Variants in SCAPER observed in about 807,000 individuals in gnomAD.
The protein encoded by SCAPER is S-phase cyclin A associated protein in the ER.
A neutral mutation model predicts 182.2 loss-of-function variants in SCAPER; 98 were observed. The observed-to-expected ratio is 0.54, with a 90% CI of 0.46 to 0.64. The LOEUF (loss-of-function observed/expected upper bound fraction) is 0.64, where lower values mean the gene tolerates loss of function less well. SCAPER is among the 30% of genes least tolerant of loss of function. The pLI, the probability that SCAPER is intolerant of heterozygous loss-of-function variation, is 0.00. For synonymous variants in SCAPER, 605 were observed against 564.6 expected, an observed-to-expected ratio of 1.07 and a Z score of -1.01; for missense variants, 1,432 against 1,690.0, an observed-to-expected ratio of 0.85 and a Z score of 2.68.
At chr15:76,630,487 T>C (rs991992248) in intron 21 of SCAPER, among the ~76,000 whole-genome samples, 1 of 152,206 alleles carries the variant, frequency 6.6e-6, no homozygotes, top group Non-Finnish European at 1.5e-5. Flanking sequence ...CCAGAGATTC[T>C]GGCACGTTGT....
chr15:76,899,243 C>G (rs2074613015), intron 1 of SCAPER, among the ~76,000 whole-genome samples: 1 of 152,224 alleles, frequency 6.6e-6, no homozygotes, highest in African/African-American at 2.4e-5. Context: ...CAGCTAGCTG[C>G]AACCTCCCTG....
intron 23 of SCAPER, among the ~76,000 whole-genome samples, chr15:76,554,203 A>G (rs2046006488): frequency 6.6e-6 from 1 of 152,246 alleles, no homozygotes; most frequent in Non-Finnish European, 1.5e-5. Context: ...AAGTATTAAC[A>G]GCACAATCAG....
intron 21 of SCAPER, among the ~76,000 whole-genome samples, chr15:76,640,829 G>T (rs2054042285): frequency 6.6e-6 from 1 of 152,204 alleles, no homozygotes; most frequent in Non-Finnish European, 1.5e-5. Flanking sequence ...AGGTTGGACT[G>T]CCAGAATAAG....
chr15:76,571,948 TA>T (rs1201287155), intron 23 of SCAPER, among the ~76,000 whole-genome samples: 4 of 152,182 alleles, frequency 2.6e-5, no homozygotes, highest in Non-Finnish European at 5.9e-5. Flanking sequence ...ATTTTAGTTA[TA>T]AAAGTAGCAA....
intron 24 of SCAPER, among the ~76,000 whole-genome samples, chr15:76,477,741 A>G (rs1015371891): frequency 6.6e-6 from 1 of 152,168 alleles, no homozygotes; most frequent in Non-Finnish European, 1.5e-5. Context: ...GATTATCAGT[A>G]TGATTAGAGA....
chr15:76,762,633 T>A (rs1448626735), intron 14 of SCAPER, among the ~76,000 whole-genome samples: 1 of 152,132 alleles, frequency 6.6e-6, no homozygotes, highest in Non-Finnish European at 1.5e-5. Context: ...TAATACCTTT[T>A]TGTCTTTTAA....
At chr15:76,359,855 A>G (rs1299797193) in intron 29 of SCAPER, among the ~76,000 whole-genome samples, 2 of 152,208 alleles carry the variant, frequency 1.3e-5, no homozygotes, top group Non-Finnish European at 2.9e-5. Context: ...CCTCAAAGTT[A>G]CTGGAATGAA....
chr15:76,673,950 TATAC>T (rs138149804), intron 20 of SCAPER, among the ~76,000 whole-genome samples: 6,829 of 77,018 alleles, frequency 0.089, 192 homozygotes, highest in South Asian at 0.24. Flanking sequence ...ATAATTTATC[TATAC>T]ACACACACAC....
intron 23 of SCAPER, among the ~76,000 whole-genome samples, chr15:76,559,960 G>A (rs1253983042): frequency 6.6e-6 from 1 of 151,958 alleles, no homozygotes; most frequent in Non-Finnish European, 1.5e-5. Flanking sequence ...GTATGCATAT[G>A]TTTACTACTT....
At chr15:76,750,456 CA>C (rs1294319723) in intron 15 of SCAPER, among the ~76,000 whole-genome samples, 1 of 151,948 alleles carries the variant, frequency 6.6e-6, no homozygotes, top group East Asian at 1.9e-4. Flanking sequence ...ACCCTGATAC[CA>C]AAACCAGACA....
chr15:76,738,233 A>AT (rs1246989911), intron 15 of SCAPER, among the ~76,000 whole-genome samples: 2 of 152,154 alleles, frequency 1.3e-5, no homozygotes, highest in African/African-American at 2.4e-5. Context: ...AGCTCAAGTG[A>AT]TTCGTTCACA....
chr15:76,574,413 G>A, intron 22 of SCAPER, 129 bp from the exon 23 acceptor site: 1 of 1,039,806 alleles, frequency 9.6e-7, no homozygotes. Context: ...GCATCTGAGG[G>A]GAGAAAAAAC....
chr15:76,800,111 T>G, intron 7 of SCAPER, 137 bp downstream of exon 7: 1 of 245,870 alleles, frequency 4.1e-6, no homozygotes, highest in Non-Finnish European at 8.7e-6. Flanking sequence ...TCCCCTCCTG[T>G]GTCAGAACCT....
intron 15 of SCAPER, among the ~76,000 whole-genome samples, chr15:76,747,542 T>C (rs761451189): frequency 3.3e-5 from 5 of 152,046 alleles, no homozygotes; most frequent in East Asian, 1.9e-4. Context: ...GAAACACTAA[T>C]TGCCAATGTT....
intron 30 of SCAPER, among the ~76,000 whole-genome samples, chr15:76,352,698 C>T (rs955632370): frequency 7.2e-5 from 11 of 151,934 alleles, no homozygotes; most frequent in Admixed American, 5.9e-4. Flanking sequence ...GATCTGCTCA[C>T]CCCGGCCTCC....
At chr15:76,905,272 C>G (rs1380038874) in intron 1 of SCAPER, 27 bp downstream of exon 1, 1 of 256,854 alleles carries the variant, frequency 3.9e-6, no homozygotes, top group East Asian at 1.7e-4. Context: ...CGGGTCTGCG[C>G]TACGCACGCC....
intron 5 of SCAPER, among the ~76,000 whole-genome samples, chr15:76,810,982 C>G (rs1025111545): frequency 6.6e-6 from 1 of 152,036 alleles, no homozygotes; most frequent in African/African-American, 2.4e-5. Flanking sequence ...GAAGACACAA[C>G]AATTTTAAGT....
chr15:76,621,426 T>C (rs1214176745), intron 22 of SCAPER, among the ~76,000 whole-genome samples: 1 of 152,184 alleles, frequency 6.6e-6, no homozygotes, highest in African/African-American at 2.4e-5. Context: ...GAACCTGATC[T>C]GTTAGAACAG....
intron 15 of SCAPER, among the ~76,000 whole-genome samples, chr15:76,753,469 G>C (rs1371044947): frequency 6.6e-6 from 1 of 151,806 alleles, no homozygotes; most frequent in Non-Finnish European, 1.5e-5. Flanking sequence ...GTTGAATGAA[G>C]GAATGAATTA....
Sources: allele counts gnomAD v4.1 joint callset (sites outside exome capture counted in the v4.1 genomes callset), GRCh38; gene constraint gnomAD v4.1.1; transcripts MANE v1.5; gene names NCBI Gene and HGNC (gene_info 2026-07-23, HGNC 2026-07-21).